Variants in FAM167A observed in about 807,000 individuals in gnomAD.
FAM167A encodes family with sequence similarity 167 member A.
Under a neutral mutation model 14.9 loss-of-function variants are expected in FAM167A, and 23 were observed. The observed-to-expected ratio is 1.55, with a 90% CI of 1.11 to 2.19. The LOEUF is 2.19. FAM167A is among the 30% of genes most tolerant of loss of function. FAM167A has a pLI of 0.00. For synonymous variants in FAM167A, 174 were observed against 117.7 expected (o/e 1.48, Z -3.10); for missense variants, 401 against 281.5 (o/e 1.42, Z -3.04).
upstream of FAM167A, among the ~76,000 whole-genome samples, chr8:11,468,822 G>T (rs968231391): frequency 3.9e-5 from 6 of 152,224 alleles, no homozygotes. Flanking sequence ...GCCTCAAATG[G>T]ACAGGCAGCC....
At chr8:11,442,041 C>T (rs1806472168) in intron 2 of FAM167A, among the ~76,000 whole-genome samples, 2 of 152,198 alleles carry the variant, frequency 1.3e-5, no homozygotes, top group Non-Finnish European at 2.9e-5. Context: ...TTTAATAATG[C>T]TAATATTCCC....
intron 2 of FAM167A, among the ~76,000 whole-genome samples, chr8:11,433,679 T>C (rs1805777980): frequency 6.6e-6 from 1 of 152,130 alleles, no homozygotes; most frequent in Admixed American, 6.5e-5. Flanking sequence ...GTGAAGGGCA[T>C]TTTGTCTGGT....
At chr8:11,438,017 T>C (rs1806151864) in intron 2 of FAM167A, 1 of 374,038 alleles carries the variant, frequency 2.7e-6, no homozygotes. Flanking sequence ...ACTGTGTTTA[T>C]GTGCCTGTCT....
In FAM167A at chr8:11,444,673, A is replaced by G; in HGVS notation, c.-262T>C. The G allele has an allele frequency of 8.0e-7, 1 of 1,253,432 alleles. No homozygotes were observed. Among genetic ancestry groups the G allele is most frequent in the Non-Finnish European group, 1.0e-6 (1 of 997,870 alleles). 77.6% of individuals were successfully genotyped at this position (1,253,432 alleles called of 1,614,324 possible). ...GTGGGTGCCATGCTCCACAGAAGGC[A>G]GGAACAGACAGCGTCGCAGGAATCT... On this transcript the variant is annotated 5_prime_UTR_variant, in exon 2 of 3. Transcript: ENST00000284486.
intron 2 of FAM167A, among the ~76,000 whole-genome samples, chr8:11,431,146 G>A (rs1279685075): frequency 6.6e-6 from 1 of 152,262 alleles, no homozygotes; most frequent in South Asian, 2.1e-4. Context: ...CCAACCCAGT[G>A]CCCTCCACAG....
At chr8:11,441,580 C>T (rs1481879372) in intron 2 of FAM167A, among the ~76,000 whole-genome samples, 1 of 152,168 alleles carries the variant, frequency 6.6e-6, no homozygotes, top group Non-Finnish European at 1.5e-5. Flanking sequence ...GAACCCTCTG[C>T]GTTGGGCCAC....
chr8:11,438,688 T>C (rs1219923422), intron 2 of FAM167A: 3 of 374,672 alleles, frequency 8.0e-6, no homozygotes, highest in Non-Finnish European at 1.6e-5. Flanking sequence ...TGTTTATACA[T>C]TCTTTGGTAA....
chr8:11,430,535 G>A (rs1805508890), intron 2 of FAM167A, among the ~76,000 whole-genome samples: 1 of 152,214 alleles, frequency 6.6e-6, no homozygotes, highest in African/African-American at 2.4e-5. Context: ...ATTTCAAATA[G>A]GTGAACTGTA....
In FAM167A at chr8:11,421,775, G is replaced by C. The variant is rs1804748377; in HGVS notation, c.*2598C>G. On this transcript the variant is annotated 3_prime_UTR_variant, in exon 3 of 3. Coordinates refer to ENST00000284486, the MANE Select transcript of FAM167A (RefSeq NM_053279.3). ...CCCAGCGATGCTTGGGGATGGCAGA[G>C]AGATGGATGGATAATGAGTACAACT... The C allele has an allele frequency of 2.5e-6, 1 of 398,992 alleles. No individual in the cohort carries two copies. The allele number at this position is 398,992 out of a possible 1,614,324, so 24.7% of individuals were successfully genotyped here. A position where few individuals can be genotyped will look rare whatever the true frequency, so the allele number is the denominator to read the frequency against.
At chr8:11,427,899 T>C (rs974506959) in intron 2 of FAM167A, among the ~76,000 whole-genome samples, 29 of 152,320 alleles carry the variant, frequency 1.9e-4, no homozygotes, top group African/African-American at 4.1e-4. Context: ...AAATTAATGA[T>C]GATAGGGTGG....
chr8:11,434,726 G>C lies in FAM167A; in HGVS notation c.381+9305C>G, dbSNP rs183997109. On this transcript the variant is annotated intron_variant, in intron 2 of 2. Transcript: ENST00000284486. ...CCTAGATCTGCCACTAGGGGCTCTG[G>C]GTTCCAGTCCTAGTGCAGCCTCTGA... 1.8e-3 allele frequency: 444 copies of C among 242,478 alleles called. 2 individuals carry two copies. Among genetic ancestry groups the C allele is most frequent in the African/African-American group, 9.2e-3 (405 of 44,122 alleles). 15.0% of individuals were successfully genotyped at this position (242,478 alleles called of 1,614,324 possible). A position where few individuals can be genotyped will look rare whatever the true frequency, so the allele number is the denominator to read the frequency against.
upstream of FAM167A, among the ~76,000 whole-genome samples, chr8:11,467,823 T>C (rs1378831834): frequency 6.6e-6 from 1 of 152,258 alleles, no homozygotes; most frequent in Non-Finnish European, 1.5e-5. Context: ...CTTTCTGACC[T>C]TCACTGGAAG....
intron 2 of FAM167A, chr8:11,438,435 G>A (rs959440926): frequency 1.1e-5 from 5 of 455,784 alleles, no homozygotes; most frequent in African/African-American, 8.0e-5. Context: ...TTTTATTCTA[G>A]GAGATTCTAT....
At chr8:11,447,435 A>G (rs73209223) in intron 1 of FAM167A, among the ~76,000 whole-genome samples, 23,443 of 152,210 alleles carry the variant, frequency 0.15, 2,142 homozygotes, top group Non-Finnish European at 0.21. Context: ...GCCTGCATAG[A>G]CCATGTCAGG....
intron 2 of FAM167A, among the ~76,000 whole-genome samples, chr8:11,426,924 T>C (rs1805211469): frequency 6.6e-6 from 1 of 152,106 alleles, no homozygotes; most frequent in Non-Finnish European, 1.5e-5. Flanking sequence ...AGGGATGACT[T>C]TGAGTTTTGT....
intron 1 of FAM167A, among the ~76,000 whole-genome samples, chr8:11,462,330 C>T (rs1807575691): frequency 6.6e-6 from 1 of 152,208 alleles, no homozygotes; most frequent in African/African-American, 2.4e-5. Context: ...TTCAACCCTC[C>T]TAGGCCTAGG....
intron 1 of FAM167A, among the ~76,000 whole-genome samples, chr8:11,465,908 G>A (rs1807746306): frequency 6.6e-6 from 1 of 152,188 alleles, no homozygotes; most frequent in Non-Finnish European, 1.5e-5. Flanking sequence ...CTTCCCAGGA[G>A]GTCCCAGTCC....
At chr8:11,428,591 G>A (rs1360403665) in intron 2 of FAM167A, among the ~76,000 whole-genome samples, 1 of 152,168 alleles carries the variant, frequency 6.6e-6, no homozygotes, top group African/African-American at 2.4e-5. Context: ...TGGTTCTGAG[G>A]GCATCTCACA....
intron 1 of FAM167A, among the ~76,000 whole-genome samples, chr8:11,466,401 C>T (rs1323191926): frequency 6.6e-6 from 1 of 152,238 alleles, no homozygotes; most frequent in Non-Finnish European, 1.5e-5. Context: ...GCCCTGGCTG[C>T]CCGGCTCCTC....
Sources: gnomAD v4.1 joint callset for allele counts (sites outside exome capture counted in the v4.1 genomes callset) on GRCh38, gnomAD v4.1.1 for gene constraint, MANE v1.5 for transcripts, NCBI Gene and HGNC (gene_info 2026-07-23, HGNC 2026-07-21) for gene names.